PITPNM3: variants seen among roughly 807,000 people sequenced by gnomAD.
PITPNM3 encodes PITPNM family member 3, also known as membrane-associated phosphatidylinositol transfer protein 3.
Under a neutral mutation model 102.0 loss-of-function variants are expected in PITPNM3, and 26 were observed. The ratio of observed to expected loss-of-function variants is 0.25; its 90% CI spans 0.19 to 0.35. The LOEUF is 0.35. PITPNM3 is among the 10% of genes least tolerant of loss of function. The pLI, the probability that PITPNM3 is intolerant of heterozygous loss-of-function variation, is 1.00. For synonymous variants in PITPNM3, 578 were observed against 558.6 expected (o/e 1.03, Z -0.49); for missense variants, 1,083 against 1,346.1 (o/e 0.80, Z 3.06).
At chr17:6,462,678 T>C (rs1904526151) in intron 17 of PITPNM3, among the ~76,000 whole-genome samples, 1 of 152,112 alleles carries the variant, frequency 6.6e-6, no homozygotes, top group Non-Finnish European at 1.5e-5. Flanking sequence ...TTGGGCACCT[T>C]TATGGCACCT....
At chr17:6,484,172 T>C in intron 5 of PITPNM3, 44 bp downstream of exon 5, 2 of 1,533,054 alleles carry the variant, frequency 1.3e-6, no homozygotes, top group Non-Finnish European at 1.8e-6. Flanking sequence ...GCTAAAATCC[T>C]GGCCTCTGAG....
chr17:6,487,858 C>A (rs1906192228), intron 4 of PITPNM3, among the ~76,000 whole-genome samples: 1 of 152,208 alleles, frequency 6.6e-6, no homozygotes, highest in African/African-American at 2.4e-5. Flanking sequence ...ATGGGAGCCT[C>A]AGGCCAGAGA....
chr17:6,505,755 C>T (rs1334202294), intron 3 of PITPNM3, among the ~76,000 whole-genome samples: 1 of 152,148 alleles, frequency 6.6e-6, no homozygotes, highest in Non-Finnish European at 1.5e-5. Flanking sequence ...TGGGCCAAGC[C>T]CCATGCTAGG....
intron 9 of PITPNM3, 104 bp downstream of exon 9, chr17:6,476,925 T>G: frequency 7.2e-7 from 1 of 1,398,542 alleles, no homozygotes; most frequent in Non-Finnish European, 9.9e-7. Context: ...TTTCAGTGCT[T>G]ATCTATGGGC....
In PITPNM3 at chr17:6,472,796, G is replaced by C; in HGVS notation, c.1290C>G (p.Val430=). The change falls in exon 11 of 20, where the codon GTC becomes GTG. Residue 430 remains valine (V), a synonymous_variant. Coordinates refer to ENST00000262483, the MANE Select transcript of PITPNM3 (RefSeq NM_031220.4). This position sits in a 1 kb window ranked among gnomAD's most constrained non-coding sequence, Gnocchi z 4.1. ...GFQVRPACSQ[V]YSFFHCADPS... is the part of the protein sequence containing the mutation. Reference sequence around the variant, plus strand: ...GGTCTGCGCAATGGAAGAAGCTGTAGACCTGGCTGCAGGCAGGACGCACCT... The same window carrying C: ...GGTCTGCGCAATGGAAGAAGCTGTACACCTGGCTGCAGGCAGGACGCACCT... 1 of 1,614,154 alleles carries C rather than the reference G, an allele frequency of 6.2e-7. No individual in the cohort carries two copies. The highest frequency in any genetic ancestry group is 8.5e-7 in the Non-Finnish European group (1 of 1,180,012).
chr17:6,555,331 CG>C (rs1000737019), intron 1 of PITPNM3, among the ~76,000 whole-genome samples: 33 of 152,190 alleles, frequency 2.2e-4, no homozygotes. Context: ...GGGCAGCTTT[CG>C]GGCTTGGGGG....
rs143943388 is a variant in PITPNM3 at position 6,537,274 on chromosome 17, T to C, written c.118+713A>G. Among the ~76,000 whole-genome samples, 85 of 146,174 alleles carry C rather than the reference T, an allele frequency of 5.8e-4. No individual in the cohort carries two copies. Among genetic ancestry groups the C allele is most frequent in the African/African-American group, 1.3e-3 (50 of 37,984 alleles). On this transcript the variant is annotated intron_variant, in intron 2 of 19. Coordinates refer to ENST00000262483, the MANE Select transcript of PITPNM3 (RefSeq NM_031220.4). This position sits in a 1 kb window ranked among gnomAD's most constrained non-coding sequence, Gnocchi z 4.4. ...TTTCTTTCTTTTTTTTTTTTTTTTT[T>C]CTGAGACAGAGTATCGCTCTGTCTG... is the stretch of plus-strand genomic sequence containing the variant.
At chr17:6,466,364 G>C (rs1904768504) in intron 14 of PITPNM3, among the ~76,000 whole-genome samples, 1 of 152,186 alleles carries the variant, frequency 6.6e-6, no homozygotes, top group African/African-American at 2.4e-5. Context: ...ATCTGCATGG[G>C]GTCCCTGAGA....
At position 6,555,991 on chromosome 17, in the gene PITPNM3, C is replaced by T. The variant is rs562026966; in HGVS notation, c.22+394G>A. On this transcript the variant is annotated intron_variant, in intron 1 of 19. Transcript: ENST00000262483. ...TGGAGAGAGCTGCAGGAGCAGGGGG[C>T]GCGTCCCGGTTTGCGTTGGGGTGTG... 2.0e-5 allele frequency among the ~76,000 whole-genome samples: 3 copies of T among 152,180 alleles called. No individual in the cohort carries two copies. In the East Asian group the frequency reaches 5.8e-4, roughly 30 times the overall value.
chr17:6,533,630 T>G (rs1466337828), intron 2 of PITPNM3, among the ~76,000 whole-genome samples: 1 of 152,208 alleles, frequency 6.6e-6, no homozygotes, highest in East Asian at 1.9e-4. Flanking sequence ...AATTTTTTTG[T>G]ATCTTTAGTA....
In PITPNM3 at chr17:6,464,180, T is replaced by G; in HGVS notation, c.2146A>C (p.Met716Leu). The G allele has an allele frequency of 6.2e-7, 1 of 1,614,164 alleles. No homozygotes were observed. The highest frequency in any genetic ancestry group is 1.1e-5 in the South Asian group (1 of 91,080). ...RLGVGVYPVK[M>L]VVRGDQTCAM... ...GCCCCTGGGTCTTACCTGACGACCA[T>G]CTTCACAGGATAGACACCAACCCCC... Residue 716 changes from methionine (M) to leucine (L), a missense_variant, in exon 16 of 20, where the codon ATG (methionine) becomes CTG (leucine). Coordinates refer to ENST00000262483, the MANE Select transcript of PITPNM3 (RefSeq NM_031220.4).
At chr17:6,549,798 C>G (rs1357411859) in intron 1 of PITPNM3, among the ~76,000 whole-genome samples, 7 of 152,322 alleles carry the variant, frequency 4.6e-5, no homozygotes, top group Non-Finnish European at 1.0e-4. Flanking sequence ...CTCCTCCCCC[C>G]TCCCACACCG....
intron 4 of PITPNM3, among the ~76,000 whole-genome samples, chr17:6,495,537 C>T (rs1906753276): frequency 1.3e-5 from 2 of 152,146 alleles, no homozygotes; most frequent in Admixed American, 1.3e-4. Context: ...CCTGGCCATC[C>T]CATGCTCCAG....
At chr17:6,534,740 G>A (rs904891055) in intron 2 of PITPNM3, among the ~76,000 whole-genome samples, 1 of 152,034 alleles carries the variant, frequency 6.6e-6, no homozygotes, top group African/African-American at 2.4e-5. Flanking sequence ...CAGTGTAGAC[G>A]CCGCTTGGTT....
intron 2 of PITPNM3, 124 bp from the exon 3 acceptor site, chr17:6,525,587 A>C (rs1394295503): frequency 1.3e-6 from 1 of 745,798 alleles, no homozygotes; most frequent in Non-Finnish European, 2.4e-6. Flanking sequence ...GGTACACCTC[A>C]ACTCTTGAAG....
At chr17:6,489,066 G>A (rs928711886) in intron 4 of PITPNM3, among the ~76,000 whole-genome samples, 1 of 152,186 alleles carries the variant, frequency 6.6e-6, no homozygotes, top group African/African-American at 2.4e-5. Flanking sequence ...GCCTATGTTT[G>A]CTTAATCACA....
chr17:6,482,949 CTTT>C (rs139179907), intron 6 of PITPNM3, among the ~76,000 whole-genome samples: 1 of 144,304 alleles, frequency 6.9e-6, no homozygotes, highest in Admixed American at 7.0e-5. Context: ...CACTCCGTGT[CTTT>C]TTTTTTTTTT....
At chr17:6,471,479 T>C in intron 11 of PITPNM3, 124 bp from the exon 12 acceptor site, 3 of 985,462 alleles carry the variant, frequency 3.0e-6, no homozygotes, top group South Asian at 1.7e-5. Context: ...CTCTGCTCAC[T>C]TGCCAGCCCA....
In PITPNM3 at chr17:6,459,544, C is replaced by T. The variant is rs904189076; in HGVS notation, c.2491-1822G>A. On this transcript the variant is annotated intron_variant, in intron 18 of 19. Coordinates refer to ENST00000262483, the MANE Select transcript of PITPNM3 (RefSeq NM_031220.4). This position sits in a 1 kb window ranked among gnomAD's most constrained non-coding sequence, Gnocchi z 5.0. ...AACTACCCTAAGCCATATCAGGTCC[C>T]GTGGCTGTATCAGCCTTGACATGTC... Among the ~76,000 whole-genome samples the T allele has an allele frequency of 1.3e-5, 2 of 152,302 alleles. No homozygotes were observed. The highest frequency in any genetic ancestry group is 1.9e-4 in the East Asian group (1 of 5,170).
Sources: allele counts gnomAD v4.1 joint callset (sites outside exome capture counted in the v4.1 genomes callset), GRCh38; gene constraint gnomAD v4.1.1; non-coding constraint Gnocchi (gnomAD v3.1); transcripts MANE v1.5; gene names NCBI Gene and HGNC (gene_info 2026-07-23, HGNC 2026-07-21).